PC: variants seen among roughly 807,000 people sequenced by gnomAD.
The protein encoded by PC is pyruvate carboxylase.
PC carries 46 observed loss-of-function variants against 107.8 expected under a neutral mutation model. That is an observed-to-expected ratio of 0.43 (90% CI 0.34 to 0.55). PC has a LOEUF of 0.55. Ranked by LOEUF, PC falls within the 20% of genes least tolerant of loss-of-function variation. The pLI, the probability that PC is intolerant of heterozygous loss-of-function variation, is 0.04. For missense variants in PC, 1,241 were observed against 1,643.1 expected (o/e 0.76, Z 4.23); for synonymous variants, 662 against 684.7 (o/e 0.97, Z 0.52).
In PC at chr11:66,851,195, T is replaced by C; in HGVS notation, c.2068A>G (p.Met690Val). The change falls in exon 17 of 23, where the codon ATG becomes GTG. Residue 690 changes from methionine (M) to valine (V), a missense_variant. Physicochemically the swap from Met to Val is conservative, Grantham distance 21 (BLOSUM62 1). Around this residue, in one of 2 missense-constraint regions of PC, gnomAD observed 1,143 missense variants for 1,551.9 expected, o/e 0.74. Transcript: ENST00000393960. ...LNYLPNMLLG[M>V]EAAGSAGGVV... Reference sequence around the variant, plus strand: ...CCTCCGGCACTTCCTGCCGCCTCCATGCCCAGCAGCATGTTGGGCAAGTAG... The same window carrying C: ...CCTCCGGCACTTCCTGCCGCCTCCACGCCCAGCAGCATGTTGGGCAAGTAG... 6.2e-7 allele frequency: 1 copy of C among 1,610,398 alleles called. No homozygotes were observed. Among genetic ancestry groups the C allele is most frequent in the Non-Finnish European group, 8.5e-7 (1 of 1,179,992 alleles).
intron 3 of PC, among the ~76,000 whole-genome samples, chr11:66,930,188 CAGGTAGAAAAACAAAAA>C (rs1431637454): frequency 6.8e-6 from 1 of 146,644 alleles, no homozygotes; most frequent in African/African-American, 2.7e-5. Context: ...AAAACAAAAG[CAGGTAGAAAAACAAAAA>C]ACTCCCCCCA....
chr11:66,957,062 T>A (rs1282222583), intron 1 of PC, among the ~76,000 whole-genome samples: 1 of 152,234 alleles, frequency 6.6e-6, no homozygotes, highest in East Asian at 1.9e-4. Flanking sequence ...GGCAGGAAGC[T>A]GTAGCTGCAA....
intron 3 of PC, among the ~76,000 whole-genome samples, chr11:66,919,574 C>CA (rs1948545633): frequency 6.6e-6 from 1 of 152,168 alleles, no homozygotes; most frequent in Non-Finnish European, 1.5e-5. Context: ...GAGGTAGTGA[C>CA]AACAGTCAAA....
In PC at chr11:66,857,290, A is replaced by G. The variant is rs1260416100; in HGVS notation, c.1369-3907T>C. 2.0e-5 allele frequency: 3 copies of G among 148,540 alleles called. No homozygotes were observed. The highest frequency in any genetic ancestry group is 7.4e-5 in the African/African-American group (3 of 40,566). The allele number at this position is 148,540 out of a possible 1,614,324, so 9.2% of individuals were successfully genotyped here. On this transcript the variant is annotated intron_variant, in intron 12 of 22. Coordinates refer to ENST00000393960, the MANE Select transcript of PC (RefSeq NM_001040716.2). The surrounding 1 kb of genome is among the most constrained non-coding windows in gnomAD (Gnocchi z 7.1). ...CCGGCCCGCGCCCCCTGAGCGACGGACACCAGGTGAGGGGGCCGCCGGGCG... is the reference window on the plus strand; with the variant it reads ...CCGGCCCGCGCCCCCTGAGCGACGGGCACCAGGTGAGGGGGCCGCCGGGCG...
intron 12 of PC, among the ~76,000 whole-genome samples, chr11:66,861,771 C>T (rs1034221830): frequency 6.6e-6 from 1 of 152,074 alleles, no homozygotes; most frequent in East Asian, 1.9e-4. Flanking sequence ...GAGGACTTGG[C>T]ACCCCCAGAC....
At chr11:66,947,892 G>C (rs1949338260) in intron 3 of PC, among the ~76,000 whole-genome samples, 2 of 150,946 alleles carry the variant, frequency 1.3e-5, no homozygotes, top group African/African-American at 4.9e-5. Flanking sequence ...GAACCCGGGA[G>C]GCAGAGGTTG....
intron 3 of PC, among the ~76,000 whole-genome samples, chr11:66,890,902 A>G (rs1048561525): frequency 6.6e-6 from 1 of 152,090 alleles, no homozygotes; most frequent in African/African-American, 2.4e-5. Flanking sequence ...AGTTCATTAT[A>G]CTATTTGCTC....
At chr11:66,875,268 A>G (rs140027852) in intron 3 of PC, among the ~76,000 whole-genome samples, 2,895 of 152,166 alleles carry the variant, frequency 0.019, 44 homozygotes, top group South Asian at 0.042. Context: ...CTTAGGAAAC[A>G]TCTGGGCTAT....
Position 66,895,590 on chromosome 11 carries a change from GC to G in PC, c.1-23432del, listed in dbSNP as rs1430762117. 3.9e-5 allele frequency among the ~76,000 whole-genome samples: 6 copies of G among 152,008 alleles called. No individual in the cohort carries two copies. The East Asian group carries it at 1.2e-3, about 29-fold the overall frequency. ...ACATTTTTAAAGAACCATTTGGGGAGCAAAAAAGCTCTTGGAAATTAAAAAA... is the reference window on the plus strand; with the variant it reads ...ACATTTTTAAAGAACCATTTGGGGAGAAAAAAGCTCTTGGAAATTAAAAAA... On this transcript the variant is annotated intron_variant, in intron 3 of 22. Coordinates refer to ENST00000393960, the MANE Select transcript of PC (RefSeq NM_001040716.2).
At chr11:66,936,276 A>G (rs916664426) in intron 3 of PC, among the ~76,000 whole-genome samples, 1 of 149,442 alleles carries the variant, frequency 6.7e-6, no homozygotes, top group Middle Eastern at 3.4e-3. Flanking sequence ...GTGGGGGGGG[A>G]GAGAAAAAAA....
intron 3 of PC, among the ~76,000 whole-genome samples, chr11:66,904,923 C>G (rs188573904): frequency 6.6e-6 from 1 of 152,346 alleles, no homozygotes; most frequent in African/African-American, 2.4e-5. Flanking sequence ...ACAGATTTAT[C>G]CCTCTCAGCA....
chr11:66,945,425 GC>G (rs68011371), intron 3 of PC, among the ~76,000 whole-genome samples: 7,221 of 99,190 alleles, frequency 0.073, 2,264 homozygotes, highest in African/African-American at 0.24. Context: ...GTTTGGGGGG[GC>G]GGGTCGGAAC....
chr11:66,887,596 A>C (rs1591229066), intron 3 of PC, among the ~76,000 whole-genome samples: 4 of 152,328 alleles, frequency 2.6e-5, no homozygotes, highest in Admixed American at 2.0e-4. Flanking sequence ...ATAGGAGAAA[A>C]GATAAGAAAA....
chr11:66,956,989 T>C (rs907251208), intron 1 of PC, among the ~76,000 whole-genome samples: 9 of 152,164 alleles, frequency 5.9e-5, no homozygotes, highest in Admixed American at 2.0e-4. Context: ...AGTGTAGGGA[T>C]AGGAACACTG....
chr11:66,899,112 C>A (rs1016651399), intron 3 of PC, among the ~76,000 whole-genome samples: 5 of 152,148 alleles, frequency 3.3e-5, no homozygotes, highest in Non-Finnish European at 7.3e-5. Flanking sequence ...TCAAGTGATC[C>A]ACCTGCCTTG....
chr11:66,878,319 G>GT (rs1347648321), intron 3 of PC, among the ~76,000 whole-genome samples: 1 of 152,198 alleles, frequency 6.6e-6, no homozygotes, highest in Non-Finnish European at 1.5e-5. Flanking sequence ...CCCGTGGTTT[G>GT]TGGGTAAACA....
chr11:66,864,693 A>G (rs1946417748), intron 11 of PC, among the ~76,000 whole-genome samples: 1 of 152,178 alleles, frequency 6.6e-6, no homozygotes, highest in Non-Finnish European at 1.5e-5. Flanking sequence ...GCAGCGGGAC[A>G]GGGCCAGGGC....
chr11:66,876,629 T>A (rs541700623), intron 3 of PC, among the ~76,000 whole-genome samples: 36 of 152,152 alleles, frequency 2.4e-4, no homozygotes, highest in Non-Finnish European at 4.9e-4. Flanking sequence ...ATCTCCCACA[T>A]GCAGATCTAC....
In PC at chr11:66,860,020, C is replaced by T. The variant is rs754142855; in HGVS notation, c.1368+3754G>A. 1.1e-5 allele frequency: 18 copies of T among 1,588,226 alleles called. No homozygotes were observed. In the African/African-American group the frequency reaches 2.0e-4, roughly 18 times the overall value. ...GCCCACCCGCCGCGGAGCCCCCCGC[C>T]CCGGCCGCAGCGCAGCTGCTCTCTG... On this transcript the variant is annotated intron_variant, in intron 12 of 22. Coordinates refer to ENST00000393960, the MANE Select transcript of PC (RefSeq NM_001040716.2).
Sources: allele counts gnomAD v4.1 joint callset (sites outside exome capture counted in the v4.1 genomes callset), GRCh38; gene constraint gnomAD v4.1.1; regional missense constraint gnomAD v4.1.1; non-coding constraint Gnocchi (gnomAD v3.1); transcripts MANE v1.5; gene names NCBI Gene and HGNC (gene_info 2026-07-23, HGNC 2026-07-21).